DCLK1: variants seen among roughly 807,000 people sequenced by gnomAD.
The protein encoded by DCLK1 is serine/threonine-protein kinase DCLK1.
In DCLK1, 16 loss-of-function variants were observed where a neutral mutation model predicts 86.2. The ratio of observed to expected loss-of-function variants is 0.19; its 90% CI spans 0.13 to 0.28. The LOEUF (loss-of-function observed/expected upper bound fraction) is 0.28. Among genes scored for constraint, DCLK1 ranks in the 10% least tolerant of loss-of-function variants. The pLI is 1.00. For synonymous variants in DCLK1, 369 were observed against 370.5 expected, an observed-to-expected ratio of 1.00 and a Z score of 0.05; for missense variants, 590 against 940.2, an observed-to-expected ratio of 0.63 and a Z score of 4.87.
intron 3 of DCLK1, among the ~76,000 whole-genome samples, chr13:35,965,942 A>T (rs924636614): frequency 5.9e-5 from 9 of 152,346 alleles, no homozygotes; most frequent in African/African-American, 1.7e-4. Context: ...TAGACATTTG[A>T]AACAAGATGT....
intron 5 of DCLK1, among the ~76,000 whole-genome samples, chr13:35,864,651 TCTC>T (rs548390856): frequency 0.032 from 4,383 of 138,700 alleles, 308 homozygotes; most frequent in African/African-American, 0.12. Context: ...ATTTTTCTTC[TCTC>T]TTTTTTTTTT....
chr13:35,949,971 A>C (rs1404223178), intron 3 of DCLK1, among the ~76,000 whole-genome samples: 1 of 152,208 alleles, frequency 6.6e-6, no homozygotes, highest in African/African-American at 2.4e-5. Context: ...AGGCAGGGGC[A>C]AGTCACCTCA....
intron 5 of DCLK1, 102 bp downstream of exon 5, chr13:35,871,122 C>G: frequency 1.1e-6 from 1 of 928,042 alleles, no homozygotes; most frequent in Admixed American, 2.2e-5. Context: ...AAACCGGAAC[C>G]TACACTCGCT....
intron 3 of DCLK1, among the ~76,000 whole-genome samples, chr13:36,091,732 C>G (rs999695478): frequency 6.6e-6 from 1 of 152,184 alleles, no homozygotes; most frequent in Non-Finnish European, 1.5e-5. Context: ...TGATAAAGCA[C>G]TTGAAGTTGA....
At chr13:35,836,699 T>C (rs1869410491) in intron 7 of DCLK1, among the ~76,000 whole-genome samples, 1 of 152,178 alleles carries the variant, frequency 6.6e-6, no homozygotes, top group Admixed American at 6.5e-5. Flanking sequence ...AGACAAATGT[T>C]CTCACCAGCA....
rs777806149 is a variant in DCLK1 at position 35,827,661 on chromosome 13, G to A, written c.1381C>T (p.Leu461=). Residue 461 remains leucine, a synonymous_variant, in exon 10 of 17, where the codon CTG becomes TTG. Coordinates refer to ENST00000360631, the MANE Select transcript of DCLK1 (RefSeq NM_001330071.2). ...TTTACTAATTCCATGACAAGATACA[G>A]TTCAGTTGGCACATCCATCTCCTCA... The part of the protein sequence containing the change: ...LIEEMDVPTE[L]YLVMELVKGG... 1 of 1,613,950 alleles carries A rather than the reference G, an allele frequency of 6.2e-7. No homozygotes were observed. Among genetic ancestry groups the A allele is most frequent in the Admixed American group, 1.7e-5 (1 of 60,022 alleles).
intron 3 of DCLK1, among the ~76,000 whole-genome samples, chr13:35,992,782 A>G (rs1316555310): frequency 6.6e-6 from 1 of 152,170 alleles, no homozygotes; most frequent in Non-Finnish European, 1.5e-5. Context: ...AATACATTTT[A>G]TGATCACTCT....
chr13:35,849,281 C>T (rs958533070), intron 6 of DCLK1: 4 of 984,912 alleles, frequency 4.1e-6, no homozygotes, highest in African/African-American at 3.5e-5. Context: ...AAATCAATAA[C>T]ATTTAAAACA....
chr13:36,036,116 G>A (rs2153154238), intron 3 of DCLK1, among the ~76,000 whole-genome samples: 1 of 152,266 alleles, frequency 6.6e-6, no homozygotes, highest in Non-Finnish European at 1.5e-5. Flanking sequence ...AGTGTGCCAT[G>A]TCAGTTTACC....
chr13:36,007,719 A>G (rs1200311610), intron 3 of DCLK1, among the ~76,000 whole-genome samples: 1 of 152,250 alleles, frequency 6.6e-6, no homozygotes, highest in African/African-American at 2.4e-5. Flanking sequence ...AAGGAGAGAA[A>G]GAGCAAAAGA....
At position 35,771,778 on chromosome 13, in the gene DCLK1, A is replaced by G. The variant is rs781000816; in HGVS notation, c.*2757T>C. ...TGGAAACACCGGTGGTGATGATTAA[A>G]TTGATAATTACATAGATACACTGCC... On this transcript the variant is annotated 3_prime_UTR_variant, in exon 17 of 17. Coordinates refer to ENST00000360631, the MANE Select transcript of DCLK1 (RefSeq NM_001330071.2). 5.9e-5 allele frequency: 9 copies of G among 152,222 alleles called. No individual in the cohort carries two copies. Among genetic ancestry groups the G allele is most frequent in the African/African-American group, 9.6e-5 (4 of 41,454 alleles). The allele number at this position is 152,222 out of a possible 1,614,324, so 9.4% of individuals were successfully genotyped here.
intron 4 of DCLK1, among the ~76,000 whole-genome samples, chr13:35,922,037 A>G (rs960327357): frequency 2.0e-5 from 3 of 152,216 alleles, no homozygotes; most frequent in Non-Finnish European, 4.4e-5. Flanking sequence ...GTTCTATCCA[A>G]CAAAAACCTT....
intron 4 of DCLK1, among the ~76,000 whole-genome samples, chr13:35,914,379 A>ACG (rs1566600400): frequency 2.4e-5 from 3 of 122,488 alleles, no homozygotes; most frequent in Non-Finnish European, 3.3e-5. Flanking sequence ...GTATATATAT[A>ACG]TATATATATA....
chr13:35,950,636 G>T (rs1489762359), intron 3 of DCLK1, among the ~76,000 whole-genome samples: 1 of 152,186 alleles, frequency 6.6e-6, no homozygotes, highest in African/African-American at 2.4e-5. Flanking sequence ...TCTCTGCCAT[G>T]AATTCATTGC....
intron 4 of DCLK1, among the ~76,000 whole-genome samples, chr13:35,941,610 C>T (rs527480220): frequency 6.6e-6 from 1 of 152,292 alleles, no homozygotes; most frequent in African/African-American, 2.4e-5. Flanking sequence ...CACACGCACA[C>T]ACACACGCAC....
chr13:35,809,337 C>T (rs528473817), intron 12 of DCLK1, among the ~76,000 whole-genome samples: 2 of 152,242 alleles, frequency 1.3e-5, no homozygotes, highest in East Asian at 3.9e-4. Context: ...CATTGCTGGA[C>T]TTATTTGTAA....
At chr13:35,940,331 T>C (rs910847099) in intron 4 of DCLK1, among the ~76,000 whole-genome samples, 2 of 151,684 alleles carry the variant, frequency 1.3e-5, no homozygotes, top group Non-Finnish European at 2.9e-5. Context: ...GGGTCACATC[T>C]GACCTAAGTG....
chr13:35,834,640 G>A (rs1869218892), intron 8 of DCLK1, among the ~76,000 whole-genome samples: 1 of 152,198 alleles, frequency 6.6e-6, no homozygotes, highest in Non-Finnish European at 1.5e-5. Flanking sequence ...TGAGGCCCAG[G>A]AATGCAATGG....
chr13:35,899,270 G>T (rs1488556158), intron 4 of DCLK1, among the ~76,000 whole-genome samples: 1 of 151,502 alleles, frequency 6.6e-6, no homozygotes, highest in Non-Finnish European at 1.5e-5. Flanking sequence ...CAAGCCCCAG[G>T]ATAATAATAT....
Sources: allele counts gnomAD v4.1 joint callset (sites outside exome capture counted in the v4.1 genomes callset), GRCh38; gene constraint gnomAD v4.1.1; transcripts MANE v1.5; gene names NCBI Gene and HGNC (gene_info 2026-07-23, HGNC 2026-07-21).